Variants in ENTHD1 observed in about 807,000 individuals in gnomAD.
The protein encoded by ENTHD1 is ENTH domain containing 1.
In ENTHD1, 23 loss-of-function variants were observed where a neutral mutation model predicts 39.1. That is an observed-to-expected ratio of 0.59 (90% CI 0.42 to 0.83). ENTHD1 has a LOEUF of 0.83. Among genes scored for constraint, ENTHD1 ranks in the 40% least tolerant of loss-of-function variants. The pLI is 0.00. For synonymous variants in ENTHD1, 230 were observed against 258.2 expected, an observed-to-expected ratio of 0.89 and a Z score of 1.05; for missense variants, 624 against 705.4, an observed-to-expected ratio of 0.88 and a Z score of 1.31.
At chr22:39,882,067 G>A (rs2066342880) in intron 2 of ENTHD1, among the ~76,000 whole-genome samples, 1 of 152,068 alleles carries the variant, frequency 6.6e-6, no homozygotes, top group Admixed American at 6.5e-5. Flanking sequence ...TTTCTTCTCT[G>A]AGACAACAAA....
chr22:39,755,350 T>C (rs989893545), intron 6 of ENTHD1, among the ~76,000 whole-genome samples: 2 of 151,722 alleles, frequency 1.3e-5, no homozygotes, highest in South Asian at 2.1e-4. Context: ...GGGCCGGGAG[T>C]GTTCTGGTCA....
intron 5 of ENTHD1, among the ~76,000 whole-genome samples, chr22:39,819,991 T>G (rs6001688): frequency 0.23 from 34,788 of 152,116 alleles, 4,315 homozygotes; most frequent in African/African-American, 0.3. Context: ...AAAGCAAGCT[T>G]TCTAAAAATT....
In ENTHD1 at chr22:39,821,194, T is replaced by G. The variant is rs895085927; in HGVS notation, c.712-81A>C. On this transcript the variant is annotated intron_variant, in intron 4 of 6. Coordinates refer to ENST00000325157, the MANE Select transcript of ENTHD1 (RefSeq NM_152512.4). ...GGACAATTTATTGAGCTACAAAGTA[T>G]CTAAATGTGCTAACATCATCATAAA... is the stretch of plus-strand genomic sequence containing the variant. 1.1e-5 allele frequency: 17 copies of G among 1,486,002 alleles called. No homozygotes were observed. The African/African-American group carries it at 2.4e-4, about 21-fold the overall frequency. The allele number at this position is 1,486,002 out of a possible 1,614,324, so 92.1% of individuals were successfully genotyped here. A position where few individuals can be genotyped will look rare whatever the true frequency, so the allele number is the denominator to read the frequency against.
At chr22:39,761,139 G>A (rs370184979) in intron 6 of ENTHD1, among the ~76,000 whole-genome samples, 3 of 152,146 alleles carry the variant, frequency 2.0e-5, no homozygotes, top group South Asian at 2.1e-4. Flanking sequence ...TGGATTCCCC[G>A]ATGATCAGTT....
intron 2 of ENTHD1, chr22:39,876,082 G>A: frequency 6.2e-7 from 1 of 1,612,592 alleles, no homozygotes; most frequent in Non-Finnish European, 8.5e-7. Context: ...CCACGTATGA[G>A]TTCACCAGTG....
At chr22:39,829,840 C>G (rs1429016325) in intron 4 of ENTHD1, among the ~76,000 whole-genome samples, 1 of 143,056 alleles carries the variant, frequency 7.0e-6, no homozygotes, top group Non-Finnish European at 1.6e-5. Flanking sequence ...TAATTTTTGA[C>G]TTAATGTCTT....
intron 4 of ENTHD1, among the ~76,000 whole-genome samples, chr22:39,833,108 C>G (rs1293479733): frequency 6.6e-6 from 1 of 152,152 alleles, no homozygotes; most frequent in Non-Finnish European, 1.5e-5. Context: ...GTGTCTCCCC[C>G]TAAGGCTACT....
rs2065904095 is a variant in ENTHD1, at chr22:39,835,845, T to C, written c.706A>G (p.Thr236Ala). The C allele has an allele frequency of 6.2e-7, 1 of 1,605,944 alleles. No individual in the cohort carries two copies. Among genetic ancestry groups the C allele is most frequent in the Admixed American group, 1.7e-5 (1 of 59,400 alleles). The change falls in exon 4 of 7, where the codon ACA (threonine) becomes GCA (alanine). Residue 236 changes from threonine to alanine, a missense_variant. Transcript: ENST00000325157. ...LPLKIHGWKS[T>A]EDLMTFLDDD... Reference sequence around the variant, plus strand: ...ATAGGAAACTATAGACTTACCTCTGTTGATTTCCAACCATGAATCTTGAGT... The same window carrying C: ...ATAGGAAACTATAGACTTACCTCTGCTGATTTCCAACCATGAATCTTGAGT...
At chr22:39,859,468 G>A (rs867095183) in intron 3 of ENTHD1, among the ~76,000 whole-genome samples, 30 of 152,164 alleles carry the variant, frequency 2.0e-4, no homozygotes, top group African/African-American at 7.0e-4. Flanking sequence ...TTGAATTAAA[G>A]TGAGAAACCT....
At chr22:39,769,673 A>G (rs1202495544) in intron 5 of ENTHD1, among the ~76,000 whole-genome samples, 1 of 152,104 alleles carries the variant, frequency 6.6e-6, no homozygotes, top group Non-Finnish European at 1.5e-5. Flanking sequence ...GAAGGCCAAG[A>G]GAGTATGGGG....
chr22:39,798,552 T>G (rs2065569677), intron 5 of ENTHD1, among the ~76,000 whole-genome samples: 1 of 152,098 alleles, frequency 6.6e-6, no homozygotes. Flanking sequence ...AGGCTGTGGT[T>G]GTTAGTAGGG....
chr22:39,781,289 G>A (rs1284962058), intron 5 of ENTHD1, among the ~76,000 whole-genome samples: 1 of 151,758 alleles, frequency 6.6e-6, no homozygotes, highest in African/African-American at 2.4e-5. Context: ...ATTCAAAAAA[G>A]TAGAACTAAT....
At position 39,869,651 on chromosome 22, in the gene ENTHD1, A is replaced by C. The variant is rs182608273; in HGVS notation, c.350-7644T>G. Among the ~76,000 whole-genome samples the C allele has an allele frequency of 2.7e-3, 409 of 152,144 alleles. 1 individual carries two copies. The highest frequency in any genetic ancestry group is 0.01 in the Middle Eastern group (3 of 294). On this transcript the variant is annotated intron_variant, in intron 2 of 6. Transcript: ENST00000325157. The stretch of plus-strand genomic sequence containing the variant: ...AGTTAAAATTGTAAAAAAAAAAAAA[A>C]AACCAGCAATCACAATATAAATCCA...
chr22:39,759,440 C>T (rs2065212143), intron 6 of ENTHD1, among the ~76,000 whole-genome samples: 1 of 152,042 alleles, frequency 6.6e-6, no homozygotes, highest in African/African-American at 2.4e-5. Context: ...TTTTGGTAAT[C>T]TATAGGTTTT....
intron 5 of ENTHD1, among the ~76,000 whole-genome samples, chr22:39,799,149 G>C (rs2065577340): frequency 1.3e-5 from 2 of 152,222 alleles, no homozygotes; most frequent in Non-Finnish European, 2.9e-5. Flanking sequence ...GCAGTGGAGT[G>C]CTCAGGTGGC....
At chr22:39,747,133 T>C (rs1392009666) in intron 6 of ENTHD1, among the ~76,000 whole-genome samples, 1 of 152,094 alleles carries the variant, frequency 6.6e-6, no homozygotes, top group Non-Finnish European at 1.5e-5. Context: ...ACTACAGGTG[T>C]GGGCCACCAA....
chr22:39,882,157 C>T (rs971798968), intron 2 of ENTHD1, among the ~76,000 whole-genome samples: 1 of 152,096 alleles, frequency 6.6e-6, no homozygotes, highest in African/African-American at 2.4e-5. Flanking sequence ...CTACTCTGTG[C>T]AGGCCTGATG....
intron 2 of ENTHD1, among the ~76,000 whole-genome samples, chr22:39,864,631 T>C (rs916429896): frequency 1.3e-5 from 2 of 152,164 alleles, no homozygotes. Flanking sequence ...ACACAGTAGA[T>C]GCTCAGTAAA....
At chr22:39,852,163 T>C (rs573100502) in intron 3 of ENTHD1, among the ~76,000 whole-genome samples, 2 of 151,564 alleles carry the variant, frequency 1.3e-5, no homozygotes, top group Admixed American at 1.3e-4. Flanking sequence ...TGAAACTTTG[T>C]TTCTACCAAA....
Sources: gnomAD v4.1 joint callset for allele counts (sites outside exome capture counted in the v4.1 genomes callset) on GRCh38, gnomAD v4.1.1 for gene constraint, MANE v1.5 for transcripts, NCBI Gene and HGNC (gene_info 2026-07-23, HGNC 2026-07-21) for gene names.